The following RAD51B variants were observed in gnomAD, a reference collection of about 807,000 sequenced individuals.
RAD51B encodes the protein DNA repair protein RAD51 homolog 2.
In RAD51B, 38 loss-of-function variants were observed where a neutral mutation model predicts 42.2. That is an observed-to-expected ratio of 0.90 (90% confidence interval 0.70 to 1.18). The LOEUF is 1.18. Among genes scored for constraint, RAD51B ranks in the 50% most tolerant of loss-of-function variants. The probability of loss-of-function intolerance (pLI) is 0.00; values close to 1 mark genes in which losing one functional copy is unlikely to be tolerated. For missense variants in RAD51B, 373 were observed against 400.7 expected (o/e 0.93, Z 0.59); for synonymous variants, 154 against 145.2 (o/e 1.06, Z -0.43).
intron 10 of RAD51B, among the ~76,000 whole-genome samples, chr14:68,649,898 C>T (rs1595046664): frequency 6.6e-6 from 1 of 152,306 alleles, no homozygotes; most frequent in East Asian, 1.9e-4. Flanking sequence ...CTTCTCAGGA[C>T]ACCCTTTGAA....
intron 3 of RAD51B, 94 bp downstream of exon 3, chr14:67,825,671 T>A (rs1416960009): frequency 2.4e-6 from 2 of 849,834 alleles, no homozygotes; most frequent in African/African-American, 3.5e-5. Context: ...GAAATAGAGA[T>A]GAGTACCTCA....
intron 4 of RAD51B, 130 bp from the exon 5 acceptor site, chr14:67,864,873 C>T (rs969445170): frequency 2.9e-6 from 4 of 1,358,090 alleles, no homozygotes; most frequent in East Asian, 2.6e-5. Flanking sequence ...TTAATTCTCT[C>T]CTGGGAACCC....
intron 7 of RAD51B, among the ~76,000 whole-genome samples, chr14:68,126,547 A>G (rs1443943386): frequency 6.6e-6 from 1 of 152,206 alleles, no homozygotes; most frequent in African/African-American, 2.4e-5. Context: ...CACGTTGATC[A>G]GCATGAGATT....
At chr14:68,224,454 A>G (rs914230558) in intron 7 of RAD51B, among the ~76,000 whole-genome samples, 1 of 152,156 alleles carries the variant, frequency 6.6e-6, no homozygotes, top group Non-Finnish European at 1.5e-5. Context: ...CTTGAGCAGC[A>G]GTCAAAATTT....
chr14:68,453,608 G>A (rs966406399), intron 9 of RAD51B, among the ~76,000 whole-genome samples: 1 of 152,110 alleles, frequency 6.6e-6, no homozygotes, highest in Non-Finnish European at 1.5e-5. Context: ...CAAAGCATAG[G>A]ACAAAAATGG....
chr14:68,004,843 A>G (rs1019301214), intron 7 of RAD51B, among the ~76,000 whole-genome samples: 3 of 152,026 alleles, frequency 2.0e-5, no homozygotes, highest in African/African-American at 7.2e-5. Flanking sequence ...TGAACTGTAT[A>G]CAGATGAAAT....
At chr14:68,195,159 G>A (rs2079343701) in intron 7 of RAD51B, among the ~76,000 whole-genome samples, 2 of 152,100 alleles carry the variant, frequency 1.3e-5, no homozygotes, top group African/African-American at 4.8e-5. Flanking sequence ...TTATTTTATA[G>A]TTAAATTTGA....
chr14:67,920,471 A>G (rs1251701217), intron 7 of RAD51B, among the ~76,000 whole-genome samples: 1 of 152,204 alleles, frequency 6.6e-6, no homozygotes, highest in Non-Finnish European at 1.5e-5. Context: ...TCTTATATAA[A>G]TATGGTTTAT....
At chr14:68,062,261 A>G (rs151259854) in intron 7 of RAD51B, among the ~76,000 whole-genome samples, 1 of 152,326 alleles carries the variant, frequency 6.6e-6, no homozygotes, top group East Asian at 1.9e-4. Context: ...ATCATGATGC[A>G]TAACCTTTTT....
At chr14:68,581,212 G>T (rs1006201114) in intron 10 of RAD51B, among the ~76,000 whole-genome samples, 41 of 152,136 alleles carry the variant, frequency 2.7e-4, no homozygotes, top group African/African-American at 9.2e-4. Context: ...AGTGATAGGC[G>T]GTCAGTAGAA....
At chr14:68,499,641 G>A (rs1216330140) in intron 10 of RAD51B, among the ~76,000 whole-genome samples, 1 of 152,146 alleles carries the variant, frequency 6.6e-6, no homozygotes, top group Non-Finnish European at 1.5e-5. Context: ...CTACCCAGGT[G>A]GGCCCTAAAT....
intron 9 of RAD51B, among the ~76,000 whole-genome samples, chr14:68,459,082 G>A (rs994398977): frequency 1.3e-5 from 2 of 152,082 alleles, no homozygotes; most frequent in South Asian, 2.1e-4. Flanking sequence ...TCCAGCTCTC[G>A]CAACACAATG....
chr14:68,029,439 G>GA (rs1411673153), intron 7 of RAD51B, among the ~76,000 whole-genome samples: 1 of 151,984 alleles, frequency 6.6e-6, no homozygotes, highest in East Asian at 1.9e-4. Context: ...TCCATCTCAA[G>GA]AAAAAAAGTG....
intron 10 of RAD51B, among the ~76,000 whole-genome samples, chr14:68,560,706 A>G (rs187173376): frequency 1.3e-3 from 191 of 152,318 alleles, no homozygotes; most frequent in Non-Finnish European, 1.6e-3. Context: ...ACTGCACTCC[A>G]GGCTGGGTGA....
intron 7 of RAD51B, among the ~76,000 whole-genome samples, chr14:67,962,860 A>C (rs1233958918): frequency 1.3e-5 from 2 of 152,186 alleles, no homozygotes; most frequent in South Asian, 2.1e-4. Context: ...AAATATATAC[A>C]ATAAAAATTG....
intron 8 of RAD51B, among the ~76,000 whole-genome samples, chr14:68,345,301 T>A (rs1347052413): frequency 6.6e-6 from 1 of 152,086 alleles, no homozygotes. Context: ...ATGATATAGT[T>A]TAGATATTTG....
In RAD51B at chr14:67,907,781, A is replaced by G. The variant is rs568243203; in HGVS notation, c.756+20577A>G. 8.2e-4 allele frequency among the ~76,000 whole-genome samples: 124 copies of G among 151,546 alleles called. 1 individual carries two copies. Among genetic ancestry groups the G allele is most frequent in the African/African-American group, 2.9e-3 (119 of 40,872 alleles). ...TCATGTTGTAGAAAGAAAGTATTAA[A>G]CAGAATAAATATATTGAGGTGGTCA... On this transcript the variant is annotated intron_variant, in intron 7 of 10. Coordinates refer to ENST00000471583, the MANE Select transcript of RAD51B (RefSeq NM_133510.4).
chr14:68,662,055 A>G (rs1892944493), intron 11 of RAD51B, among the ~76,000 whole-genome samples: 1 of 152,144 alleles, frequency 6.6e-6, no homozygotes, highest in Non-Finnish European at 1.5e-5. Context: ...AATGCGATCC[A>G]TTGCATTTTG....
At chr14:67,908,966 TTC>T (rs2043874041) in intron 7 of RAD51B, 1 of 152,210 alleles carries the variant, frequency 6.6e-6, no homozygotes, top group South Asian at 2.1e-4. Context: ...TTTTTTGTCA[TTC>T]TCTTTCATTA....
Sources: gnomAD v4.1 joint callset for allele counts (sites outside exome capture counted in the v4.1 genomes callset) on GRCh38, gnomAD v4.1.1 for gene constraint, MANE v1.5 for transcripts, NCBI Gene and HGNC (gene_info 2026-07-23, HGNC 2026-07-21) for gene names.